Variants in ARHGAP10 observed in about 807,000 individuals in gnomAD.
ARHGAP10 encodes Rho GTPase activating protein 10, also known as rho GTPase-activating protein 10.
A neutral mutation model predicts 108.6 loss-of-function variants in ARHGAP10; 87 were observed. That is an observed-to-expected ratio of 0.80 (90% confidence interval 0.67 to 0.96). The LOEUF is 0.96. ARHGAP10 is among the 40% of genes least tolerant of loss of function. ARHGAP10 has a pLI of 0.00. For missense variants in ARHGAP10, 939 were observed against 954.5 expected (o/e 0.98, Z 0.21); for synonymous variants, 347 against 341.1 (o/e 1.02, Z -0.19).
intron 18 of ARHGAP10, among the ~76,000 whole-genome samples, chr4:148,005,059 C>G (rs1740892631): frequency 6.6e-6 from 1 of 152,228 alleles, no homozygotes; most frequent in South Asian, 2.1e-4. Context: ...ATGCCACTTG[C>G]TGATCCAACT....
At chr4:147,844,804 A>G (rs1472996498) in intron 3 of ARHGAP10, among the ~76,000 whole-genome samples, 2 of 152,182 alleles carry the variant, frequency 1.3e-5, no homozygotes, top group Non-Finnish European at 2.9e-5. Flanking sequence ...GTACCACTCT[A>G]GAAGCCTCCT....
intron 6 of ARHGAP10, chr4:147,865,782 G>A (rs563724774): frequency 2.6e-5 from 4 of 152,290 alleles, no homozygotes; most frequent in South Asian, 2.1e-4. Flanking sequence ...TAGTTGGAGC[G>A]ATAGTCATTA....
At chr4:147,851,255 A>T (rs962641828) in intron 4 of ARHGAP10, among the ~76,000 whole-genome samples, 1 of 148,518 alleles carries the variant, frequency 6.7e-6, no homozygotes, top group Non-Finnish European at 1.5e-5. Context: ...ATGACTAATA[A>T]TTTTTTTTTT....
At chr4:148,043,349 C>G (rs1728714515) in intron 19 of ARHGAP10, among the ~76,000 whole-genome samples, 1 of 151,826 alleles carries the variant, frequency 6.6e-6, no homozygotes, top group African/African-American at 2.4e-5. Context: ...GGTGATTTGT[C>G]TGTTTGTAGA....
chr4:147,745,023 A>C (rs1275211748), intron 1 of ARHGAP10, among the ~76,000 whole-genome samples: 1 of 152,042 alleles, frequency 6.6e-6, no homozygotes, highest in East Asian at 1.9e-4. Context: ...AATCTGAGAA[A>C]CAGTAGCCAT....
chr4:147,836,045 A>C (rs1410604776), intron 3 of ARHGAP10, among the ~76,000 whole-genome samples: 13 of 152,208 alleles, frequency 8.5e-5, no homozygotes, highest in Admixed American at 8.5e-4. Flanking sequence ...GTACTTAAAA[A>C]CAAATCTTTA....
At chr4:147,898,974 A>G (rs566601236) in intron 10 of ARHGAP10, among the ~76,000 whole-genome samples, 1 of 152,294 alleles carries the variant, frequency 6.6e-6, no homozygotes, top group Non-Finnish European at 1.5e-5. Flanking sequence ...CTTTCTCGAC[A>G]TGTGGGGATT....
chr4:147,872,425 G>C (rs1367432054), intron 7 of ARHGAP10, among the ~76,000 whole-genome samples: 1 of 152,182 alleles, frequency 6.6e-6, no homozygotes, highest in Non-Finnish European at 1.5e-5. Context: ...GGAAGTCATG[G>C]GTTTTCAAAT....
intron 22 of ARHGAP10, 57 bp from the exon 23 acceptor site, chr4:148,071,936 C>G: frequency 6.7e-7 from 1 of 1,487,970 alleles, no homozygotes; most frequent in East Asian, 2.3e-5. Flanking sequence ...AAGTGAACAC[C>G]CAGGAGGCAA....
At chr4:148,023,884 G>C (rs1051064230) in intron 19 of ARHGAP10, among the ~76,000 whole-genome samples, 18 of 152,344 alleles carry the variant, frequency 1.2e-4, no homozygotes, top group Middle Eastern at 3.4e-3. Context: ...TTCATCTTAT[G>C]GCAGGGGTGG....
At chr4:147,983,072 G>A (rs1392079812) in intron 18 of ARHGAP10, among the ~76,000 whole-genome samples, 1 of 151,946 alleles carries the variant, frequency 6.6e-6, no homozygotes, top group Non-Finnish European at 1.5e-5. Flanking sequence ...GTAGAGATGG[G>A]GGTCTCACCA....
At chr4:147,855,367 G>C (rs1734039662) in intron 4 of ARHGAP10, among the ~76,000 whole-genome samples, 1 of 149,552 alleles carries the variant, frequency 6.7e-6, no homozygotes, top group Non-Finnish European at 1.5e-5. Context: ...TTTTCTGTTA[G>C]TTGTTAAAAT....
At chr4:147,908,271 C>T (rs1451379048) in intron 11 of ARHGAP10, among the ~76,000 whole-genome samples, 2 of 152,142 alleles carry the variant, frequency 1.3e-5, no homozygotes, top group Admixed American at 6.5e-5. Context: ...ACAGCACACT[C>T]ACTGGAATGT....
In ARHGAP10 at chr4:147,837,650, T is replaced by TTTTTTTTGTTTTTTTTTG. The variant is rs1553955212; in HGVS notation, c.313-9494_313-9493insGTTTTTTTTTGTTTTTTT. ...CTAGAATCTCTGGTCACTGTTTTTT[T>TTTTTTTTGTTTTTTTTTG]TTTTTTTTTTTTAAAGCAGTAGCTT... On this transcript the variant is annotated intron_variant, in intron 3 of 22. Transcript: ENST00000336498. Among the ~76,000 whole-genome samples, 19 of 112,084 alleles carry TTTTTTTTGTTTTTTTTTG rather than the reference T, an allele frequency of 1.7e-4. 1 individual carries two copies. The East Asian group carries it at 4.9e-3, about 29-fold the overall frequency. 73.5% of individuals were successfully genotyped at this position (112,084 alleles called of 152,430 possible).
chr4:147,784,435 AAT>A (rs1227581107), intron 1 of ARHGAP10, among the ~76,000 whole-genome samples: 2 of 125,380 alleles, frequency 1.6e-5, no homozygotes, highest in Non-Finnish European at 3.1e-5. Flanking sequence ...TAAATTACAT[AAT>A]ATATAAGTTA....
chr4:147,733,162 G>A (rs923670588), intron 1 of ARHGAP10, among the ~76,000 whole-genome samples: 1 of 152,186 alleles, frequency 6.6e-6, no homozygotes, highest in African/African-American at 2.4e-5. Context: ...TTCCACCCCG[G>A]TTAGGCTTGG....
At chr4:147,980,167 G>A (rs923731783) in intron 18 of ARHGAP10, among the ~76,000 whole-genome samples, 3 of 152,084 alleles carry the variant, frequency 2.0e-5, no homozygotes, top group Non-Finnish European at 4.4e-5. Flanking sequence ...CTGGCTGTGG[G>A]TTCATCATAA....
intron 1 of ARHGAP10, among the ~76,000 whole-genome samples, chr4:147,743,461 T>A (rs942284567): frequency 1.7e-4 from 26 of 152,232 alleles, no homozygotes; most frequent in African/African-American, 5.8e-4. Context: ...TCTCTGTGCC[T>A]TGATTTCCTC....
chr4:148,029,994 T>TCCC (rs369537451), intron 19 of ARHGAP10, among the ~76,000 whole-genome samples: 54 of 138,428 alleles, frequency 3.9e-4, no homozygotes, highest in African/African-American at 1.3e-3. Context: ...AGGCTCAGCA[T>TCCC]CCCCCCCCCC....
Sources: gnomAD v4.1 joint callset for allele counts (sites outside exome capture counted in the v4.1 genomes callset) on GRCh38, gnomAD v4.1.1 for gene constraint, MANE v1.5 for transcripts, NCBI Gene and HGNC (gene_info 2026-07-23, HGNC 2026-07-21) for gene names.